The following SDK1 variants were observed in gnomAD, a reference collection of about 807,000 sequenced individuals.
The protein encoded by SDK1 is sidekick cell adhesion molecule 1, also known as protein sidekick-1.
A neutral mutation model predicts 245.5 loss-of-function variants in SDK1; 157 were observed. The ratio of observed to expected loss-of-function variants is 0.64; its 90% CI spans 0.56 to 0.73. The LOEUF (loss-of-function observed/expected upper bound fraction) is 0.73. Among genes scored for constraint, SDK1 ranks in the 30% least tolerant of loss-of-function variants. The pLI, the probability that SDK1 is intolerant of heterozygous loss-of-function variation, is 0.00. For synonymous variants in SDK1, 1,647 were observed against 1,278.5 expected (o/e 1.29, Z -6.15); for missense variants, 3,583 against 3,002.3 (o/e 1.19, Z -4.52).
At chr7:3,720,249 CTG>C (rs1322207692) in intron 4 of SDK1, among the ~76,000 whole-genome samples, 2 of 151,978 alleles carry the variant, frequency 1.3e-5, no homozygotes, top group Non-Finnish European at 2.9e-5. Flanking sequence ...GAGCGAGACT[CTG>C]TGTCAAAAAA....
At chr7:3,500,808 T>A (rs1250466998) in intron 1 of SDK1, among the ~76,000 whole-genome samples, 1 of 152,042 alleles carries the variant, frequency 6.6e-6, no homozygotes, top group Non-Finnish European at 1.5e-5. Flanking sequence ...GTCCTCTGTT[T>A]TTCATGTTTT....
chr7:4,164,133 T>G (rs986748988), intron 32 of SDK1, among the ~76,000 whole-genome samples: 1 of 152,162 alleles, frequency 6.6e-6, no homozygotes, highest in African/African-American at 2.4e-5. Flanking sequence ...TCTGTGGCAC[T>G]CAGCCCTACT....
chr7:3,778,677 C>G (rs1012031804), intron 4 of SDK1, among the ~76,000 whole-genome samples: 1 of 152,134 alleles, frequency 6.6e-6, no homozygotes, highest in Non-Finnish European at 1.5e-5. Flanking sequence ...CACCATGTTC[C>G]GTAAACTAAA....
At chr7:3,750,309 A>G (rs1284590889) in intron 4 of SDK1, among the ~76,000 whole-genome samples, 1 of 152,220 alleles carries the variant, frequency 6.6e-6, no homozygotes, top group Non-Finnish European at 1.5e-5. Context: ...TGGCAAGGAA[A>G]CTAAACCATT....
intron 4 of SDK1, among the ~76,000 whole-genome samples, chr7:3,653,125 A>G (rs1223307642): frequency 3.3e-5 from 5 of 152,154 alleles, no homozygotes; most frequent in Admixed American, 3.3e-4. Flanking sequence ...GTGAGCTTGA[A>G]TCCTTAGGGA....
intron 4 of SDK1, among the ~76,000 whole-genome samples, chr7:3,812,064 A>G (rs1779398503): frequency 6.6e-6 from 1 of 152,200 alleles, no homozygotes; most frequent in Non-Finnish European, 1.5e-5. Context: ...AGCTCTTGCC[A>G]GTAAGATATC....
chr7:3,749,958 TAG>T (rs1779729835), intron 4 of SDK1, among the ~76,000 whole-genome samples: 2 of 152,220 alleles, frequency 1.3e-5, no homozygotes, highest in Non-Finnish European at 2.9e-5. Context: ...GAGCTCTTGT[TAG>T]AATCTGGGTG....
intron 19 of SDK1, among the ~76,000 whole-genome samples, chr7:4,065,307 C>G (rs901800202): frequency 2.0e-5 from 3 of 152,156 alleles, no homozygotes; most frequent in African/African-American, 7.2e-5. Flanking sequence ...AGCAGGACTT[C>G]TTTCCCAAAG....
At chr7:3,956,031 G>A (rs1030377834) in intron 7 of SDK1, among the ~76,000 whole-genome samples, 1 of 152,226 alleles carries the variant, frequency 6.6e-6, no homozygotes, top group African/African-American at 2.4e-5. Context: ...CAGGGCATGA[G>A]AACCTTTCCC....
intron 4 of SDK1, among the ~76,000 whole-genome samples, chr7:3,774,108 G>A (rs1005003950): frequency 1.3e-5 from 2 of 151,900 alleles, no homozygotes; most frequent in South Asian, 2.1e-4. Context: ...CTAGTTACTT[G>A]GGAGGCTGAG....
intron 1 of SDK1, among the ~76,000 whole-genome samples, chr7:3,369,251 G>T (rs1263572994): frequency 2.0e-5 from 3 of 151,942 alleles, no homozygotes; most frequent in Admixed American, 6.6e-5. Flanking sequence ...TCACCATGTT[G>T]GCGAGGCTGG....
intron 5 of SDK1, among the ~76,000 whole-genome samples, chr7:3,831,863 A>G (rs1779920025): frequency 6.6e-6 from 1 of 152,096 alleles, no homozygotes; most frequent in African/African-American, 2.4e-5. Flanking sequence ...TCTGGGCAAC[A>G]CAGGGAGACT....
In SDK1 at chr7:4,233,252, C is replaced by T. The variant is rs544749299; in HGVS notation, c.5828-3C>T. The T allele has an allele frequency of 9.6e-5, 154 of 1,611,168 alleles. 2 individuals carry two copies. In the South Asian group the frequency reaches 1.4e-3, roughly 15 times the overall value. On this transcript the variant is annotated splice_region_variant and splice_polypyrimidine_tract_variant and intron_variant, in intron 40 of 44. Coordinates refer to ENST00000404826, the MANE Select transcript of SDK1 (RefSeq NM_152744.4). ...TGCTCTCGCCTCCCCATCCCTCTTG[C>T]AGATGAAGGCTTATGGGACATGTTT... is the stretch of plus-strand genomic sequence containing the variant.
intron 4 of SDK1, among the ~76,000 whole-genome samples, chr7:3,685,657 A>T (rs1349424287): frequency 1.3e-5 from 2 of 152,184 alleles, no homozygotes; most frequent in African/African-American, 4.8e-5. Flanking sequence ...AAACAATTAC[A>T]TTTTAGAAGT....
chr7:4,088,770 A>T (rs755975537), intron 22 of SDK1, among the ~76,000 whole-genome samples: 3 of 152,150 alleles, frequency 2.0e-5, no homozygotes, highest in Admixed American at 1.3e-4. Context: ...TCATAAGTGA[A>T]CTTGGCCTTT....
At chr7:4,053,782 GATGAA>G (rs1779031102) in intron 19 of SDK1, among the ~76,000 whole-genome samples, 1 of 152,166 alleles carries the variant, frequency 6.6e-6, no homozygotes, top group South Asian at 2.1e-4. Flanking sequence ...TCACAAAAAA[GATGAA>G]ATGAAAAGTA....
chr7:3,403,830 T>C (rs1398982331), intron 1 of SDK1, among the ~76,000 whole-genome samples: 59 of 35,294 alleles, frequency 1.7e-3, no homozygotes, highest in South Asian at 5.1e-3. Flanking sequence ...CTTACATATA[T>C]ATATATATAT....
intron 4 of SDK1, among the ~76,000 whole-genome samples, chr7:3,664,630 C>T (rs1783469685): frequency 1.3e-5 from 2 of 151,574 alleles, no homozygotes; most frequent in Admixed American, 6.6e-5. Context: ...ATCCCAGCTG[C>T]TTGGAAGGCT....
chr7:3,848,191 T>C (rs1326629920), intron 5 of SDK1, among the ~76,000 whole-genome samples: 2 of 152,240 alleles, frequency 1.3e-5, no homozygotes, highest in African/African-American at 4.8e-5. Context: ...TAAATAATTA[T>C]TAAACCTATA....
Sources: allele counts gnomAD v4.1 joint callset (sites outside exome capture counted in the v4.1 genomes callset), GRCh38; gene constraint gnomAD v4.1.1; transcripts MANE v1.5; gene names NCBI Gene and HGNC (gene_info 2026-07-23, HGNC 2026-07-21).